The following SOS1 variants were observed in gnomAD, a reference collection of about 807,000 sequenced individuals.
SOS1 encodes the protein SOS Ras/Rac guanine nucleotide exchange factor 1.
In SOS1, 25 loss-of-function variants were observed where a neutral mutation model predicts 157.6. The observed-to-expected ratio is 0.16, with a 90% CI of 0.12 to 0.22. SOS1 has a LOEUF of 0.22. Ranked by LOEUF, SOS1 falls within the 10% of genes least tolerant of loss-of-function variation. SOS1 has a pLI of 1.00. For synonymous variants in SOS1, 528 were observed against 534.0 expected (o/e 0.99, Z 0.16); for missense variants, 1,237 against 1,599.1 (o/e 0.77, Z 3.86).
rs772527384 is a variant in SOS1 at position 38,986,068 on chromosome 2, G to C, written c.3758C>G (p.Pro1253Arg). 6.2e-7 allele frequency: 1 copy of C among 1,613,828 alleles called. No individual in the cohort carries two copies. Among genetic ancestry groups the C allele is most frequent in the African/African-American group, 1.3e-5 (1 of 74,898 alleles). The change falls in exon 23 of 23, where the codon CCT becomes CGT. Residue 1253 changes from proline to arginine, a missense_variant. Physicochemically the swap from Pro to Arg is moderately radical, Grantham distance 103. Coordinates refer to ENST00000402219, the MANE Select transcript of SOS1 (RefSeq NM_005633.4). ...DHGNAFFPNS[P>R]SPFTPPPPQT... ...AGGAGGAGGTGGTGTAAAGGGGGAA[G>C]GGCTGTTTGGGAAGAAGGCATTGCC...
chr2:38,985,715 TTA>T lies in SOS1; in HGVS notation c.*107_*108del. The T allele has an allele frequency of 4.2e-6, 5 of 1,182,894 alleles. No individual in the cohort carries two copies. The highest frequency in any genetic ancestry group is 5.1e-6 in the Non-Finnish European group (4 of 790,052). The allele number at this position is 1,182,894 out of a possible 1,614,324, so 73.3% of individuals were successfully genotyped here. On this transcript the variant is annotated 3_prime_UTR_variant, in exon 23 of 23. Transcript: ENST00000402219. ...TATACTGCATCTTGAAGAAGAGTCGTTAGTGTTTGGAGTTCTCATTTTAACTC... is the reference window on the plus strand; with the variant it reads ...TATACTGCATCTTGAAGAAGAGTCGTGTGTTTGGAGTTCTCATTTTAACTC...
At chr2:39,000,427 T>A (rs934034255) in intron 17 of SOS1, among the ~76,000 whole-genome samples, 2 of 152,222 alleles carry the variant, frequency 1.3e-5, no homozygotes, top group African/African-American at 4.8e-5. Context: ...CTTAGGTTTT[T>A]TTTTCATGTT....
chr2:38,986,119 G>A lies in SOS1; in HGVS notation c.3707C>T (p.Pro1236Leu), dbSNP rs533661246. 19 of 1,613,876 alleles carry A rather than the reference G, an allele frequency of 1.2e-5. No homozygotes were observed. Among genetic ancestry groups the A allele is most frequent in the Middle Eastern group, 1.7e-4 (1 of 6,058 alleles). The change falls in exon 23 of 23, where the codon CCC becomes CTC. Residue 1236 changes from proline (P) to leucine (L), a missense_variant. Around this residue, in one of 15 missense-constraint regions of SOS1, gnomAD observed 306 missense variants for 322.6 expected, o/e 0.95. Coordinates refer to ENST00000402219, the MANE Select transcript of SOS1 (RefSeq NM_005633.4). ...FSSSPLHLQPPPLGKKSDHGN... is the reference protein window; with the variant it reads ...FSSSPLHLQPLPLGKKSDHGN... ...ATGGTCACTTTTTTTGCCCAAAGGGGGAGGTTGGAGATGTAGTGGTGAGCT... is the reference window on the plus strand; with the variant it reads ...ATGGTCACTTTTTTTGCCCAAAGGGAGAGGTTGGAGATGTAGTGGTGAGCT...
At position 39,064,690 on chromosome 2, in the gene SOS1, A is replaced by T. The variant is rs1181231814; in HGVS notation, c.213+2938T>A. Among the ~76,000 whole-genome samples the T allele has an allele frequency of 2.7e-5, 4 of 147,236 alleles. No homozygotes were observed. The South Asian group carries it at 8.6e-4, about 32-fold the overall frequency. ...ATTATGAAGCGTATTCTTCAGAAAG[A>T]TTTTTAAATGTGTATATTCTGCTAA... On this transcript the variant is annotated intron_variant, in intron 2 of 22. Coordinates refer to ENST00000402219, the MANE Select transcript of SOS1 (RefSeq NM_005633.4).
chr2:38,991,106 A>G (rs1321904748), intron 20 of SOS1, among the ~76,000 whole-genome samples: 1 of 152,058 alleles, frequency 6.6e-6, no homozygotes, highest in Non-Finnish European at 1.5e-5. Flanking sequence ...CTGGGCCTAC[A>G]TATTTTTTTT....
At chr2:39,045,042 G>A (rs1290646644) in intron 6 of SOS1, among the ~76,000 whole-genome samples, 1 of 152,162 alleles carries the variant, frequency 6.6e-6, no homozygotes, top group Non-Finnish European at 1.5e-5. Context: ...GTTATGTAAA[G>A]AGTTGTTATA....
chr2:39,078,467 A>G (rs1443637753), intron 1 of SOS1, among the ~76,000 whole-genome samples: 5 of 151,248 alleles, frequency 3.3e-5, no homozygotes, highest in African/African-American at 1.2e-4. Context: ...GGAGTCCCCA[A>G]CACCTGGCTG....
chr2:38,999,210 C>A (rs1487136048), intron 17 of SOS1, among the ~76,000 whole-genome samples: 1 of 152,162 alleles, frequency 6.6e-6, no homozygotes, highest in Non-Finnish European at 1.5e-5. Context: ...GGCATTGATT[C>A]ATGATGATGA....
intron 1 of SOS1, among the ~76,000 whole-genome samples, chr2:39,102,140 G>C (rs1672988536): frequency 7.1e-6 from 1 of 140,828 alleles, no homozygotes; most frequent in South Asian, 2.3e-4. Context: ...GGGAGGCAGA[G>C]GTTGCAGTGA....
chr2:39,112,407 C>T (rs752511444), intron 1 of SOS1, among the ~76,000 whole-genome samples: 1 of 152,228 alleles, frequency 6.6e-6, no homozygotes, highest in African/African-American at 2.4e-5. Context: ...AAGGGATCCT[C>T]CCACCTCAGT....
chr2:39,044,864 G>GCGCACACA (rs147443441), intron 6 of SOS1, among the ~76,000 whole-genome samples: 68,659 of 147,538 alleles, frequency 0.47, 16,322 homozygotes, highest in Admixed American at 0.53. Context: ...GCGCGCGCGC[G>GCGCACACA]CACACACACA....
At chr2:39,036,127 A>G (rs1219073018) in intron 6 of SOS1, among the ~76,000 whole-genome samples, 1 of 152,190 alleles carries the variant, frequency 6.6e-6, no homozygotes, top group Non-Finnish European at 1.5e-5. Flanking sequence ...GAGAGTAGGT[A>G]TCTTGATTTT....
intron 1 of SOS1, among the ~76,000 whole-genome samples, chr2:39,076,164 C>T (rs1671989687): frequency 6.6e-6 from 1 of 152,112 alleles, no homozygotes; most frequent in Admixed American, 6.5e-5. Flanking sequence ...AATCCCACCA[C>T]TTTAGGAGGC....
intron 8 of SOS1, 80 bp downstream of exon 8, chr2:39,035,132 A>G: frequency 1.1e-6 from 1 of 885,244 alleles, no homozygotes. Flanking sequence ...GGGTACTCAC[A>G]CAATAATTTA....
At chr2:39,021,075 G>A (rs890276006) in intron 10 of SOS1, among the ~76,000 whole-genome samples, 7 of 151,490 alleles carry the variant, frequency 4.6e-5, no homozygotes, top group African/African-American at 1.7e-4. Context: ...TTCATTATAA[G>A]TAAAAGCACT....
intron 6 of SOS1, among the ~76,000 whole-genome samples, chr2:39,042,128 C>A (rs1670592724): frequency 6.6e-6 from 1 of 152,094 alleles, no homozygotes; most frequent in South Asian, 2.1e-4. Flanking sequence ...CATAGTAAGT[C>A]TTAATATGTG....
chr2:39,096,968 G>C (rs1672788313), intron 1 of SOS1, among the ~76,000 whole-genome samples: 1 of 151,744 alleles, frequency 6.6e-6, no homozygotes, highest in Non-Finnish European at 1.5e-5. Flanking sequence ...AAATCCCTAA[G>C]AGCTACCTAT....
Position 39,046,278 on chromosome 2 carries a change from AT to A in SOS1, c.864+4865del, listed in dbSNP as rs560796850. On this transcript the variant is annotated intron_variant, in intron 6 of 22. Coordinates refer to ENST00000402219, the MANE Select transcript of SOS1 (RefSeq NM_005633.4). ...GTGATTTTCGTACATGTTTTTAAAA[AT>A]AAATACGGTTATCTATAAATTTTTC... Among the ~76,000 whole-genome samples the A allele has an allele frequency of 6.6e-5, 10 of 152,148 alleles. No individual in the cohort carries two copies. The South Asian group carries it at 2.1e-3, about 31-fold the overall frequency.
intron 20 of SOS1, chr2:38,992,944 A>C (rs1668777478): frequency 6.6e-6 from 1 of 152,138 alleles, no homozygotes; most frequent in Non-Finnish European, 1.5e-5. Flanking sequence ...TATGTGTATC[A>C]CATGACTCCA....
Sources: allele counts gnomAD v4.1 joint callset (sites outside exome capture counted in the v4.1 genomes callset), GRCh38; gene constraint gnomAD v4.1.1; regional missense constraint gnomAD v4.1.1; transcripts MANE v1.5; gene names NCBI Gene and HGNC (gene_info 2026-07-23, HGNC 2026-07-21).